C8orf34: variants seen among roughly 807,000 people sequenced by gnomAD.
C8orf34 encodes the protein chromosome 8 open reading frame 34.
C8orf34 carries 65 observed loss-of-function variants against 68.3 expected under a neutral mutation model. The ratio of observed to expected loss-of-function variants is 0.95; its 90% CI spans 0.78 to 1.17. The LOEUF (loss-of-function observed/expected upper bound fraction) is 1.17, where lower values mean the gene tolerates loss of function less well. Ranked by LOEUF, C8orf34 falls within the 50% of genes most tolerant of loss-of-function variation. The pLI is 0.00. For synonymous variants in C8orf34, 244 were observed against 241.2 expected (o/e 1.01, Z -0.11); for missense variants, 664 against 655.4 (o/e 1.01, Z -0.14).
chr8:68,387,993 T>C (rs1808329110), intron 1 of C8orf34, among the ~76,000 whole-genome samples: 1 of 152,200 alleles, frequency 6.6e-6, no homozygotes, highest in Non-Finnish European at 1.5e-5. Flanking sequence ...TGATTAGCAC[T>C]GAGTGTGCAT....
chr8:68,494,909 T>A (rs1048546557), intron 5 of C8orf34, among the ~76,000 whole-genome samples: 5 of 150,686 alleles, frequency 3.3e-5, no homozygotes, highest in Admixed American at 6.6e-5. Context: ...TCTCAAAAAA[T>A]ATATATATAT....
chr8:68,780,085 C>T (rs943203583), intron 11 of C8orf34, among the ~76,000 whole-genome samples: 6 of 152,186 alleles, frequency 3.9e-5, no homozygotes, highest in South Asian at 2.1e-4. Flanking sequence ...CATTATAAAT[C>T]GATGGAAAAA....
At chr8:68,545,872 TACAA>T (rs1360456326) in intron 7 of C8orf34, among the ~76,000 whole-genome samples, 2 of 152,004 alleles carry the variant, frequency 1.3e-5, no homozygotes, top group East Asian at 1.9e-4. Context: ...AAAGCAAAAA[TACAA>T]ACAATGTAGT....
chr8:68,416,524 T>C (rs995035317), intron 1 of C8orf34, among the ~76,000 whole-genome samples: 1 of 145,418 alleles, frequency 6.9e-6, no homozygotes, highest in Non-Finnish European at 1.5e-5. Context: ...TTTATTTATT[T>C]ATTTATTTAT....
intron 8 of C8orf34, among the ~76,000 whole-genome samples, chr8:68,654,299 AT>A (rs1819449255): frequency 6.6e-6 from 1 of 152,188 alleles, no homozygotes; most frequent in Non-Finnish European, 1.5e-5. Flanking sequence ...TTGTTGATAA[AT>A]TACCCAGTCC....
chr8:68,550,431 A>G (rs1042886233), intron 7 of C8orf34, among the ~76,000 whole-genome samples: 15 of 151,846 alleles, frequency 9.9e-5, no homozygotes, highest in Admixed American at 6.6e-5. Flanking sequence ...TTTACTTCAT[A>G]TATACATATG....
chr8:68,775,678 A>G (rs1823495076), intron 10 of C8orf34, among the ~76,000 whole-genome samples: 1 of 152,240 alleles, frequency 6.6e-6, no homozygotes, highest in Non-Finnish European at 1.5e-5. Flanking sequence ...ACAAATTTAT[A>G]GAATATAGAA....
chr8:68,521,878 A>C lies in C8orf34; in HGVS notation c.845A>C (p.Asp282Ala). Reference sequence around the variant, plus strand: ...ATTGGTAGAGAAGAAAATGATGCTGATCCCCTAGCTGCTGAAATGCTACAG... The same window carrying C: ...ATTGGTAGAGAAGAAAATGATGCTGCTCCCCTAGCTGCTGAAATGCTACAG... ...EWIGREENDA[D>A]PLAAEMLQPP... The change falls in exon 6 of 14, where the codon GAT (aspartate) becomes GCT (alanine). Residue 282 changes from aspartate to alanine, a missense_variant. Physicochemically the swap from Asp to Ala is moderately radical, Grantham distance 126. Transcript: ENST00000518698. 1 of 1,614,096 alleles carries C rather than the reference A, an allele frequency of 6.2e-7. No homozygotes were observed. The highest frequency in any genetic ancestry group is 1.1e-5 in the South Asian group (1 of 91,090).
chr8:68,570,281 C>A (rs1423749791), intron 7 of C8orf34, among the ~76,000 whole-genome samples: 1 of 152,164 alleles, frequency 6.6e-6, no homozygotes, highest in Non-Finnish European at 1.5e-5. Flanking sequence ...TTTGCAATTA[C>A]TCTTTCCTAC....
chr8:68,749,741 T>A (rs1297377000), intron 10 of C8orf34, among the ~76,000 whole-genome samples: 1 of 152,216 alleles, frequency 6.6e-6, no homozygotes, highest in African/African-American at 2.4e-5. Context: ...AATAATGTTT[T>A]TGTGGTTCAT....
intron 3 of C8orf34, among the ~76,000 whole-genome samples, chr8:68,457,503 A>C (rs1393988605): frequency 2.0e-5 from 3 of 152,206 alleles, no homozygotes; most frequent in Non-Finnish European, 4.4e-5. Flanking sequence ...ATTTTGGTTC[A>C]AAGGAAATAT....
intron 12 of C8orf34, among the ~76,000 whole-genome samples, chr8:68,789,896 A>G (rs1011404331): frequency 2.2e-4 from 33 of 152,340 alleles, no homozygotes; most frequent in African/African-American, 7.7e-4. Context: ...AATCACTCTA[A>G]GAAAGTCCAT....
intron 7 of C8orf34, among the ~76,000 whole-genome samples, chr8:68,572,409 T>G (rs981605406): frequency 6.6e-6 from 1 of 151,978 alleles, no homozygotes; most frequent in Non-Finnish European, 1.5e-5. Context: ...CCATATGACA[T>G]TCACACTCCA....
chr8:68,668,400 A>C (rs190764137), intron 8 of C8orf34, among the ~76,000 whole-genome samples: 16 of 152,334 alleles, frequency 1.1e-4, no homozygotes, highest in African/African-American at 3.8e-4. Flanking sequence ...TTGCTCAAAA[A>C]AGCAGGACTG....
At chr8:68,711,916 A>C (rs1426068603) in intron 9 of C8orf34, among the ~76,000 whole-genome samples, 1 of 152,176 alleles carries the variant, frequency 6.6e-6, no homozygotes, top group African/African-American at 2.4e-5. Flanking sequence ...GAAGGAAAAA[A>C]TCTTAAGAGC....
At chr8:68,595,559 G>T (rs965903972) in intron 7 of C8orf34, among the ~76,000 whole-genome samples, 3 of 151,850 alleles carry the variant, frequency 2.0e-5, no homozygotes, top group Non-Finnish European at 4.4e-5. Context: ...GATGTGGGGG[G>T]AATTTCTTTC....
In C8orf34 at chr8:68,351,214, A is replaced by C. The variant is rs111874700; in HGVS notation, c.327+19875A>C. ...AAAGAATCTTATTTTTCCTTCACTT[A>C]AAAACCTTAGTTTGGCTGGATATAG... On this transcript the variant is annotated intron_variant, in intron 1 of 13. Transcript: ENST00000518698. Among the ~76,000 whole-genome samples, 1,235 of 152,164 alleles carry C rather than the reference A, an allele frequency of 8.1e-3. 39 individuals carry two copies. In the East Asian group the frequency reaches 0.1, roughly 13 times the overall value.
In C8orf34 at chr8:68,787,385, A is replaced by G. The variant is rs7826534; in HGVS notation, c.1456-58A>G. 2.5e-6 allele frequency: 3 copies of G among 1,192,932 alleles called. No individual in the cohort carries two copies. The African/African-American group carries it at 4.6e-5, about 18-fold the overall frequency. The allele number at this position is 1,192,932 out of a possible 1,614,324, so 73.9% of individuals were successfully genotyped here. ...CATAAAGATTGAAGTGATTATCCAC[A>G]TTAATGTTCATGATATCAAAACAGA... On this transcript the variant is annotated intron_variant, in intron 11 of 13. Transcript: ENST00000518698.
chr8:68,343,591 T>TG (rs1806160498), intron 1 of C8orf34, among the ~76,000 whole-genome samples: 1 of 118,752 alleles, frequency 8.4e-6, no homozygotes, highest in Admixed American at 8.5e-5. Flanking sequence ...TATGCCTAGC[T>TG]AATTTTTTTT....
Sources: allele counts gnomAD v4.1 joint callset (sites outside exome capture counted in the v4.1 genomes callset), GRCh38; gene constraint gnomAD v4.1.1; transcripts MANE v1.5; gene names NCBI Gene and HGNC (gene_info 2026-07-23, HGNC 2026-07-21).